The following AADAC variants were observed in gnomAD, a reference collection of about 807,000 sequenced individuals.
The protein encoded by AADAC is arylacetamide deacetylase (esterase).
AADAC carries 17 observed loss-of-function variants against 22.7 expected under a neutral mutation model. The ratio of observed to expected loss-of-function variants is 0.75; its 90% confidence interval spans 0.51 to 1.12. AADAC has a LOEUF of 1.12. AADAC is among the 50% of genes most tolerant of loss of function. The pLI, the probability that AADAC is intolerant of heterozygous loss-of-function variation, is 0.00. For missense variants in AADAC, 465 were observed against 473.9 expected (o/e 0.98, Z 0.17); for synonymous variants, 167 against 176.3 (o/e 0.95, Z 0.42).
At chr3:151,823,355 A>C (rs1207642761) in intron 3 of AADAC, among the ~76,000 whole-genome samples, 3 of 151,990 alleles carry the variant, frequency 2.0e-5, no homozygotes, top group Non-Finnish European at 2.9e-5. Flanking sequence ...GTGTGTATAT[A>C]TATGTGGGTA....
intron 4 of AADAC, among the ~76,000 whole-genome samples, 191 bp downstream of exon 4, chr3:151,825,025 T>C (rs1339015378): frequency 2.6e-5 from 4 of 151,946 alleles, no homozygotes; most frequent in Non-Finnish European, 4.4e-5. Context: ...GCTTCTGTCA[T>C]AGATTTTTTT....
intron 3 of AADAC, among the ~76,000 whole-genome samples, chr3:151,821,522 T>C (rs1716254264): frequency 1.3e-5 from 2 of 151,986 alleles, no homozygotes; most frequent in Non-Finnish European, 1.5e-5. Flanking sequence ...TCAAGTTAAA[T>C]CATTATTATA....
At chr3:151,817,644 TAA>T in intron 2 of AADAC, 56 bp downstream of exon 2, 1 of 1,495,370 alleles carries the variant, frequency 6.7e-7, no homozygotes, top group East Asian at 2.3e-5. Context: ...GACATTTTAC[TAA>T]GTCTTCAGTA....
intron 2 of AADAC, 116 bp downstream of exon 2, chr3:151,817,704 C>A: frequency 1.1e-6 from 1 of 903,222 alleles, no homozygotes; most frequent in South Asian, 1.7e-5. Flanking sequence ...TTTATCTTCT[C>A]GTGCTTTGTT....
intron 3 of AADAC, among the ~76,000 whole-genome samples, chr3:151,821,645 T>C (rs1260491240): frequency 6.6e-6 from 1 of 152,056 alleles, no homozygotes; most frequent in Non-Finnish European, 1.5e-5. Flanking sequence ...TATGCTGTTT[T>C]GCATTCCAAC....
rs143561636 is a variant in AADAC at position 151,824,992 on chromosome 3, A to G, written c.603+158A>G. On this transcript the variant is annotated intron_variant, in intron 4 of 4. Transcript: ENST00000232892. Reference sequence around the variant, plus strand: ...AAGAGAATATTGAGAAGAAATGACTAAAACATTATAATATCAATCCCTGCT... The same window carrying G: ...AAGAGAATATTGAGAAGAAATGACTGAAACATTATAATATCAATCCCTGCT... 483 of 542,076 alleles carry G rather than the reference A, an allele frequency of 8.9e-4. 5 individuals carry two copies. The highest frequency in any genetic ancestry group is 8.1e-3 in the African/African-American group (412 of 51,088). 33.6% of individuals were successfully genotyped at this position (542,076 alleles called of 1,614,324 possible).
At chr3:151,823,218 C>T (rs927531528) in intron 3 of AADAC, among the ~76,000 whole-genome samples, 5 of 151,264 alleles carry the variant, frequency 3.3e-5, no homozygotes, top group African/African-American at 7.3e-5. Flanking sequence ...TGGGAGGTTG[C>T]GGTGAGCCGA....
Position 151,828,247 on chromosome 3 carries a change from T to C in AADAC, c.*75T>C, listed in dbSNP as rs927692297. On this transcript the variant is annotated 3_prime_UTR_variant, in exon 5 of 5. Transcript: ENST00000232892. The stretch of plus-strand genomic sequence containing the variant: ...GAAAATTTGCATTAGAAATTGGTCT[T>C]TCTTAGAATGGTCTAGTTAAGTTCC... 1.0e-6 allele frequency: 1 copy of C among 1,004,820 alleles called. No individual in the cohort carries two copies. Among genetic ancestry groups the C allele is most frequent in the Non-Finnish European group, 1.4e-6 (1 of 717,948 alleles). The allele number at this position is 1,004,820 out of a possible 1,614,324, so 62.2% of individuals were successfully genotyped here.
At chr3:151,820,970 G>A (rs961693803) in intron 3 of AADAC, among the ~76,000 whole-genome samples, 10 of 150,920 alleles carry the variant, frequency 6.6e-5, no homozygotes, top group African/African-American at 2.4e-4. Flanking sequence ...GTGTTATTTT[G>A]GCAAAAAGAA....
intron 3 of AADAC, among the ~76,000 whole-genome samples, chr3:151,824,048 T>C (rs1716362289): frequency 1.3e-5 from 2 of 152,016 alleles, no homozygotes; most frequent in Non-Finnish European, 2.9e-5. Flanking sequence ...TGAAACTTTA[T>C]GCCAGCTGAT....
Position 151,817,425 on chromosome 3 carries a change from G to C in AADAC, c.198G>C (p.Gly66=), listed in dbSNP as rs779079361. The change falls in exon 2 of 5, where the codon GGG becomes GGC. Residue 66 remains glycine, a synonymous_variant. Coordinates refer to ENST00000232892, the MANE Select transcript of AADAC (RefSeq NM_001086.3). The stretch of plus-strand genomic sequence containing the variant: ...TTATGGATTCCTTTAAGGTTGTCGG[G>C]AGCTTTGATGAAGTCCCACCAACCT... The part of the protein sequence containing the change: ...HHFMDSFKVV[G]SFDEVPPTSD... 4 of 1,613,744 alleles carry C rather than the reference G, an allele frequency of 2.5e-6. No individual in the cohort carries two copies. The highest frequency in any genetic ancestry group is 3.4e-6 in the Non-Finnish European group (4 of 1,179,770).
At chr3:151,817,628 T>G (rs1250513040) in intron 2 of AADAC, 40 bp downstream of exon 2, 1 of 1,577,626 alleles carries the variant, frequency 6.3e-7, no homozygotes, top group South Asian at 1.1e-5. Context: ...ACTGAGGTAG[T>G]TCGCAGACAT....
At position 151,827,985 on chromosome 3, in the gene AADAC, T is replaced by C. The variant is rs751987456; in HGVS notation, c.1013T>C (p.Ile338Thr). Reference protein sequence around the residue: ...KLRGLPLTYVITCQYDLLRDD... With the variant: ...KLRGLPLTYVTTCQYDLLRDD... Reference sequence around the variant, plus strand: ...CGTGGCTTACCCCTGACCTATGTCATCACCTGTCAATATGATCTCTTAAGA... The same window carrying C: ...CGTGGCTTACCCCTGACCTATGTCACCACCTGTCAATATGATCTCTTAAGA... The change falls in exon 5 of 5, where the codon ATC (isoleucine) becomes ACC (threonine). Residue 338 changes from isoleucine to threonine, a missense_variant. Physicochemically the swap from Ile to Thr is moderately conservative, Grantham distance 89. Transcript: ENST00000232892. 157 of 1,612,932 alleles carry C rather than the reference T, an allele frequency of 9.7e-5. 1 individual carries two copies. Among genetic ancestry groups the C allele is most frequent in the Non-Finnish European group, 1.3e-4 (154 of 1,179,376 alleles).
Position 151,828,218 on chromosome 3 carries a change from C to G in AADAC, c.*46C>G. ...TATTTTAAAAATAAAATCTGAAAAC[C>G]TCAGAAAATTTGCATTAGAAATTGG... On this transcript the variant is annotated 3_prime_UTR_variant, in exon 5 of 5. Transcript: ENST00000232892. 2.4e-6 allele frequency: 3 copies of G among 1,265,540 alleles called. No individual in the cohort carries two copies. The highest frequency in any genetic ancestry group is 2.1e-6 in the Non-Finnish European group (2 of 950,318). 78.4% of individuals were successfully genotyped at this position (1,265,540 alleles called of 1,614,324 possible).
intron 2 of AADAC, among the ~76,000 whole-genome samples, chr3:151,818,234 C>T (rs1196512204): frequency 1.8e-5 from 2 of 108,532 alleles, no homozygotes; most frequent in Non-Finnish European, 3.9e-5. Context: ...GAGCAAGACT[C>T]TGCCTCAAAA....
Position 151,824,822 on chromosome 3 carries a change from A to G in AADAC, c.591A>G (p.Ala197=), listed in dbSNP as rs759213004. ...GDSAGGNLAA[A]VTQQLLDDPD... ...GTGCAGGAGGGAATTTAGCTGCAGC[A>G]GTGACTCAACAGGTATGTTCATAAT... Residue 197 remains alanine (A), a synonymous_variant, in exon 4 of 5, where the codon GCA becomes GCG. Coordinates refer to ENST00000232892, the MANE Select transcript of AADAC (RefSeq NM_001086.3). 5 of 1,583,420 alleles carry G rather than the reference A, an allele frequency of 3.2e-6. No homozygotes were observed. In the Admixed American group the frequency reaches 9.2e-5, roughly 29 times the overall value.
chr3:151,820,467 G>C lies in AADAC; in HGVS notation c.431+15G>C. 1 of 1,474,870 alleles carries C rather than the reference G, an allele frequency of 6.8e-7. No individual in the cohort carries two copies. Among genetic ancestry groups the C allele is most frequent in the East Asian group, 2.5e-5 (1 of 40,256 alleles). The allele number at this position is 1,474,870 out of a possible 1,614,324, so 91.4% of individuals were successfully genotyped here. A position where few individuals can be genotyped will look rare whatever the true frequency, so the allele number is the denominator to read the frequency against. ...GTATCAACCAAGTAAGAGCTGTGCT[G>C]TTTGGTTTCCTGGCCAGATGTCTGA... is the stretch of plus-strand genomic sequence containing the variant. On this transcript the variant is annotated intron_variant, in intron 3 of 4. Coordinates refer to ENST00000232892, the MANE Select transcript of AADAC (RefSeq NM_001086.3).
intron 3 of AADAC, among the ~76,000 whole-genome samples, chr3:151,823,084 C>A (rs1017502768): frequency 2.0e-5 from 3 of 151,744 alleles, no homozygotes; most frequent in African/African-American, 7.3e-5. Flanking sequence ...TTGAGACCAG[C>A]CTGGCCAACG....
At chr3:151,826,966 G>A (rs547902022) in intron 4 of AADAC, among the ~76,000 whole-genome samples, 1 of 151,884 alleles carries the variant, frequency 6.6e-6, no homozygotes, top group African/African-American at 2.4e-5. Context: ...CCAGGCTGGA[G>A]TGCAGTGGTG....
Sources: allele counts gnomAD v4.1 joint callset (sites outside exome capture counted in the v4.1 genomes callset), GRCh38; gene constraint gnomAD v4.1.1; transcripts MANE v1.5; gene names NCBI Gene and HGNC (gene_info 2026-07-23, HGNC 2026-07-21).